The following NIN variants were observed in gnomAD, a reference collection of about 807,000 sequenced individuals.
The protein encoded by NIN is ninein.
In NIN, 137 loss-of-function variants were observed where a neutral mutation model predicts 257.6. The observed-to-expected ratio is 0.53, with a 90% CI of 0.46 to 0.61. NIN has a LOEUF of 0.61. Ranked by LOEUF, NIN falls within the 20% of genes least tolerant of loss-of-function variation. The pLI, the probability that NIN is intolerant of heterozygous loss-of-function variation, is 0.00. For synonymous variants in NIN, 918 were observed against 919.8 expected (o/e 1.00, Z 0.04); for missense variants, 2,439 against 2,501.2 (o/e 0.98, Z 0.53).
intron 5 of NIN, among the ~76,000 whole-genome samples, chr14:50,790,721 T>A (rs1263586083): frequency 6.6e-6 from 1 of 152,150 alleles, no homozygotes; most frequent in East Asian, 1.9e-4. Context: ...TTAAGGGAAG[T>A]TGTAAGTACA....
Position 50,760,038 on chromosome 14 carries a change from G to C in NIN, c.2218C>G (p.Arg740Gly), listed in dbSNP as rs763688866. 1.2e-6 allele frequency: 2 copies of C among 1,614,036 alleles called. No homozygotes were observed. The highest frequency in any genetic ancestry group is 1.1e-5 in the South Asian group (1 of 91,080). Reference protein sequence around the residue: ...RLTQAQASFEREREGLQSSAW... With the variant: ...RLTQAQASFEGEREGLQSSAW... The stretch of plus-strand genomic sequence containing the variant: ...CTACTCTGAAGGCCTTCCCTCTCCC[G>C]CTCAAAGCTTGCTTGAGCCTGTGTC... The change falls in exon 17 of 31, where the codon CGG (arginine) becomes GGG (glycine). Residue 740 changes from arginine to glycine, a missense_variant. This residue lies in a region of NIN where 2,043 missense variants were observed against 2,050.2 expected (regional missense o/e 1.00). Transcript: ENST00000530997.
chr14:50,758,387 CTT>C lies in NIN; in HGVS notation c.2641_2642del (p.Lys881GlufsTer46), dbSNP rs780644501. Reference sequence around the variant, plus strand: ...GGACCAGAGAAGTTGTTTTCTCTCTCTTAAGAGTCTCTTTCAGCAGCTCCTGG... The same window carrying C: ...GGACCAGAGAAGTTGTTTTCTCTCTCAAGAGTCTCTTTCAGCAGCTCCTGG... ...EAQELLKETL[K>X]REKTTSLVLT... On this transcript the variant is annotated frameshift_variant, in exon 18 of 31. Transcript: ENST00000530997. LOFTEE classifies it high-confidence loss of function. 2 of 1,614,068 alleles carry C rather than the reference CTT, an allele frequency of 1.2e-6. No individual in the cohort carries two copies. Among genetic ancestry groups the C allele is most frequent in the Non-Finnish European group, 1.7e-6 (2 of 1,179,890 alleles).
intron 30 of NIN, among the ~76,000 whole-genome samples, chr14:50,724,883 T>C (rs1566769850): frequency 6.6e-6 from 1 of 152,216 alleles, no homozygotes; most frequent in Non-Finnish European, 1.5e-5. Context: ...GGATCAAATA[T>C]GTCTTTCTCT....
At chr14:50,727,804 T>C (rs2040486012) in intron 29 of NIN, 1 of 1,397,470 alleles carries the variant, frequency 7.2e-7, no homozygotes, top group South Asian at 1.1e-5. Context: ...GATGAGTTTT[T>C]AGGGGGAGTC....
At chr14:50,754,540 A>G (rs1198491367) in intron 20 of NIN, 23 bp downstream of exon 20, 1 of 1,564,868 alleles carries the variant, frequency 6.4e-7, no homozygotes, top group Non-Finnish European at 8.7e-7. Flanking sequence ...AAAAACATTG[A>G]GAAATATTAA....
At chr14:50,791,967 C>G (rs1367261201) in intron 5 of NIN, 1 of 152,168 alleles carries the variant, frequency 6.6e-6, no homozygotes, top group African/African-American at 2.4e-5. Context: ...ATATTTACAG[C>G]TTGCTCAGCA....
At chr14:50,733,127 C>T (rs2040802927) in intron 28 of NIN, among the ~76,000 whole-genome samples, 1 of 151,304 alleles carries the variant, frequency 6.6e-6, no homozygotes, top group South Asian at 2.1e-4. Flanking sequence ...GAGTCTTGCT[C>T]TGTTGCCTAG....
intron 2 of NIN, among the ~76,000 whole-genome samples, chr14:50,828,993 T>C (rs1344064404): frequency 3.9e-5 from 6 of 152,228 alleles, no homozygotes; most frequent in Admixed American, 1.3e-4. Context: ...TTCCTCTCTA[T>C]TGCCCCCTGT....
At chr14:50,729,837 C>A in intron 28 of NIN, 114 bp from the exon 29 acceptor site, 8 of 759,004 alleles carry the variant, frequency 1.1e-5, no homozygotes, top group Non-Finnish European at 1.6e-5. Context: ...AACCCCAGAC[C>A]CACTGAAACT....
chr14:50,736,359 G>A lies in NIN; in HGVS notation c.5776-742C>T, dbSNP rs116520135. ...TCACCATGTTGATGAGACTGGTCTC[G>A]AACTCCTGACCTCGTGATCTGCCCA... On this transcript the variant is annotated intron_variant, in intron 27 of 30. Transcript: ENST00000530997. Among the ~76,000 whole-genome samples the A allele has an allele frequency of 8.9e-3, 1,352 of 151,736 alleles. 21 individuals carry two copies. The highest frequency in any genetic ancestry group is 0.03 in the African/African-American group (1,260 of 41,344).
Position 50,723,394 on chromosome 14 carries a change from T to C in NIN, c.*69A>G. The C allele has an allele frequency of 7.2e-7, 1 of 1,385,234 alleles. No individual in the cohort carries two copies. The highest frequency in any genetic ancestry group is 1.8e-5 in the Admixed American group (1 of 54,060). 85.8% of individuals were successfully genotyped at this position (1,385,234 alleles called of 1,614,324 possible). A position where few individuals can be genotyped will look rare whatever the true frequency, so the allele number is the denominator to read the frequency against. On this transcript the variant is annotated 3_prime_UTR_variant, in exon 31 of 31. Coordinates refer to ENST00000530997, the MANE Select transcript of NIN (RefSeq NM_020921.4). ...GTTTTAGGTTAGGCTTAATTTTAAG[T>C]TGAGAACCTACTGAAATGTTCATCT...
At chr14:50,746,034 TAAAAAA>T (rs35691375) in intron 22 of NIN, among the ~76,000 whole-genome samples, 4 of 135,424 alleles carry the variant, frequency 3.0e-5, no homozygotes, top group African/African-American at 1.1e-4. Flanking sequence ...AATGCTTGTT[TAAAAAA>T]AAAAAAAAAA....
intron 3 of NIN, among the ~76,000 whole-genome samples, chr14:50,811,152 A>G (rs1409691931): frequency 6.7e-6 from 1 of 148,964 alleles, no homozygotes; most frequent in African/African-American, 2.5e-5. Context: ...CTTGTCACCC[A>G]GGCTGGAGTG....
chr14:50,766,433 G>A (rs1449899564), intron 13 of NIN, 37 bp from the exon 14 acceptor site: 4 of 1,591,204 alleles, frequency 2.5e-6, no homozygotes, highest in Non-Finnish European at 2.6e-6. Context: ...CATTTTTCCC[G>A]AGTGCCCTTC....
At position 50,776,939 on chromosome 14, in the gene NIN, C is replaced by T. The variant is rs370172817; in HGVS notation, c.666+10G>A. ...TCATTATCATTCCTGAATTATACTGCGAGGCTTACCTCTCCATCCACATTC... is the reference window on the plus strand; with the variant it reads ...TCATTATCATTCCTGAATTATACTGTGAGGCTTACCTCTCCATCCACATTC... On this transcript the variant is annotated intron_variant, in intron 7 of 30. Coordinates refer to ENST00000530997, the MANE Select transcript of NIN (RefSeq NM_020921.4). 1.2e-5 allele frequency: 19 copies of T among 1,606,050 alleles called. No homozygotes were observed. Among genetic ancestry groups the T allele is most frequent in the South Asian group, 3.4e-5 (3 of 89,540 alleles).
chr14:50,752,117 T>A (rs1469242553), intron 21 of NIN, among the ~76,000 whole-genome samples: 1 of 151,790 alleles, frequency 6.6e-6, no homozygotes, highest in Non-Finnish European at 1.5e-5. Flanking sequence ...ACACCAGGGT[T>A]AAAGACAAAT....
intron 3 of NIN, among the ~76,000 whole-genome samples, chr14:50,817,646 A>G (rs964193156): frequency 6.6e-6 from 1 of 152,174 alleles, no homozygotes; most frequent in Non-Finnish European, 1.5e-5. Flanking sequence ...TTCAGCATCC[A>G]AATTCATATT....
Position 50,757,910 on chromosome 14 carries a change from T to C in NIN, c.3120A>G (p.Gly1040=). ...SMLQSGCQVI[G]EEEVEGDGAL... ...CTCCATCTCCTTCCACCTCCTCCTC[T>C]CCTATCACCTGGCAACCACTCTGAA... is the stretch of plus-strand genomic sequence containing the variant. Residue 1040 remains glycine (G), a synonymous_variant, in exon 18 of 31, where the codon GGA becomes GGG. Transcript: ENST00000530997. 1 of 1,614,094 alleles carries C rather than the reference T, an allele frequency of 6.2e-7. No individual in the cohort carries two copies. The highest frequency in any genetic ancestry group is 8.5e-7 in the Non-Finnish European group (1 of 1,180,020).
intron 30 of NIN, chr14:50,724,303 C>T (rs2040334380): frequency 4.8e-6 from 1 of 209,224 alleles, no homozygotes; most frequent in African/African-American, 2.3e-5. Flanking sequence ...ATTTTCCAGT[C>T]CCCCTTCCCA....
Sources: gnomAD v4.1 joint callset for allele counts (sites outside exome capture counted in the v4.1 genomes callset) on GRCh38, gnomAD v4.1.1 for gene constraint, gnomAD v4.1.1 regional missense constraint, MANE v1.5 for transcripts, NCBI Gene and HGNC (gene_info 2026-07-23, HGNC 2026-07-21) for gene names.